Variants in ITGA8 observed in about 807,000 individuals in gnomAD.
ITGA8 encodes the protein integrin alpha-8.
ITGA8 carries 91 observed loss-of-function variants against 142.3 expected under a neutral mutation model. The ratio of observed to expected loss-of-function variants is 0.64; its 90% CI spans 0.54 to 0.76. ITGA8 has a LOEUF of 0.76. Ranked by LOEUF, ITGA8 falls within the 30% of genes least tolerant of loss-of-function variation. ITGA8 has a pLI of 0.00. For missense variants in ITGA8, 1,406 were observed against 1,327.7 expected, an observed-to-expected ratio of 1.06 and a Z score of -0.92; for synonymous variants, 505 against 485.2, an observed-to-expected ratio of 1.04 and a Z score of -0.54.
intron 15 of ITGA8, 110 bp downstream of exon 15, chr10:15,613,550 C>T (rs1833338688): frequency 1.3e-6 from 1 of 793,868 alleles, no homozygotes; most frequent in Non-Finnish European, 2.1e-6. Flanking sequence ...TCGAGAAATG[C>T]AAAATCTAGG....
At chr10:15,529,326 A>G (rs1459469261) in intron 28 of ITGA8, among the ~76,000 whole-genome samples, 1 of 152,244 alleles carries the variant, frequency 6.6e-6, no homozygotes, top group Non-Finnish European at 1.5e-5. Flanking sequence ...GTACAATGCT[A>G]GAGCTTTATA....
chr10:15,518,618 C>G (rs536756216), intron 29 of ITGA8, among the ~76,000 whole-genome samples: 5 of 152,184 alleles, frequency 3.3e-5, no homozygotes, highest in Non-Finnish European at 5.9e-5. Context: ...GACGTCATTT[C>G]CATTTGGGAA....
intron 8 of ITGA8, among the ~76,000 whole-genome samples, chr10:15,663,697 CTCT>C (rs1176833690): frequency 6.6e-6 from 1 of 152,048 alleles, no homozygotes; most frequent in East Asian, 1.9e-4. Flanking sequence ...GCCTCCCAGC[CTCT>C]TAAGCTGGGA....
chr10:15,592,445 A>G (rs1003308504), intron 21 of ITGA8, 141 bp from the exon 22 acceptor site: 2 of 652,726 alleles, frequency 3.1e-6, no homozygotes, highest in South Asian at 2.0e-5. Flanking sequence ...CTGAGAGCCA[A>G]GAGAAGTCAT....
intron 28 of ITGA8, among the ~76,000 whole-genome samples, chr10:15,527,148 G>A (rs773594864): frequency 3.3e-5 from 5 of 152,252 alleles, no homozygotes; most frequent in East Asian, 1.9e-4. Context: ...ATAACATGAG[G>A]TGTACTAGCT....
chr10:15,672,540 G>T, intron 7 of ITGA8, 84 bp downstream of exon 7: 1 of 1,446,504 alleles, frequency 6.9e-7, no homozygotes, highest in East Asian at 2.4e-5. Flanking sequence ...AATAACATCG[G>T]ATAAGTCAGG....
chr10:15,628,323 GGTT>G (rs1833622728), intron 13 of ITGA8, among the ~76,000 whole-genome samples: 15 of 78,476 alleles, frequency 1.9e-4, no homozygotes, highest in South Asian at 8.6e-4. Flanking sequence ...AATTTATTTT[GGTT>G]TTTTTTTTTT....
At position 15,694,743 on chromosome 10, in the gene ITGA8, A is replaced by G. The variant is rs146777126; in HGVS notation, c.344-6705T>C. Among the ~76,000 whole-genome samples, 222 of 134,166 alleles carry G rather than the reference A, an allele frequency of 1.7e-3. 1 individual carries two copies. The highest frequency in any genetic ancestry group is 5.9e-3 in the African/African-American group (215 of 36,628). The allele number at this position is 134,166 out of a possible 152,430, so 88.0% of individuals were successfully genotyped here. A position where few individuals can be genotyped will look rare whatever the true frequency, so the allele number is the denominator to read the frequency against. On this transcript the variant is annotated intron_variant, in intron 2 of 29. Coordinates refer to ENST00000378076, the MANE Select transcript of ITGA8 (RefSeq NM_003638.3). ...TCTCTCTTAGGAACCTAGAAATTCA[A>G]CCTAAGTCCAAGAATTCAAAAGAAC...
At chr10:15,687,855 A>C in intron 3 of ITGA8, 83 bp downstream of exon 3, 13 of 825,798 alleles carry the variant, frequency 1.6e-5, no homozygotes, top group Non-Finnish European at 2.5e-5. Context: ...TTTAGGAAAG[A>C]GCTTTCCTAA....
chr10:15,650,041 T>C (rs1450009394), intron 11 of ITGA8, among the ~76,000 whole-genome samples: 1 of 152,176 alleles, frequency 6.6e-6, no homozygotes, highest in Non-Finnish European at 1.5e-5. Context: ...CAAGATACTC[T>C]TCAATAGGTG....
At chr10:15,660,951 G>A in intron 8 of ITGA8, 29 bp from the exon 9 acceptor site, 1 of 1,591,286 alleles carries the variant, frequency 6.3e-7, no homozygotes, top group Non-Finnish European at 8.6e-7. Flanking sequence ...ATTTAGAAGG[G>A]GAATTACTCA....
intron 8 of ITGA8, among the ~76,000 whole-genome samples, chr10:15,669,669 G>T (rs948807925): frequency 2.0e-5 from 3 of 152,094 alleles, no homozygotes; most frequent in African/African-American, 7.2e-5. Flanking sequence ...CTTTGATGAT[G>T]GTGACGTACA....
intron 8 of ITGA8, among the ~76,000 whole-genome samples, chr10:15,662,153 T>A (rs887747563): frequency 2.0e-5 from 3 of 152,094 alleles, no homozygotes; most frequent in African/African-American, 7.2e-5. Context: ...AGTTATTAAA[T>A]GTAATATTGA....
intron 27 of ITGA8, among the ~76,000 whole-genome samples, chr10:15,547,190 GGTT>G (rs1331277134): frequency 6.6e-6 from 1 of 152,050 alleles, no homozygotes; most frequent in East Asian, 1.9e-4. Context: ...CAAACAATAA[GGTT>G]GTAACACAGC....
intron 8 of ITGA8, among the ~76,000 whole-genome samples, chr10:15,670,297 T>G (rs548122103): frequency 2.0e-4 from 30 of 152,324 alleles, no homozygotes; most frequent in South Asian, 6.2e-4. Flanking sequence ...GCCTTGTATC[T>G]AAGTATTCCT....
chr10:15,623,700 T>C (rs1833534212), intron 13 of ITGA8, among the ~76,000 whole-genome samples: 1 of 152,056 alleles, frequency 6.6e-6, no homozygotes, highest in African/African-American at 2.4e-5. Flanking sequence ...AATAAATAGA[T>C]ATAAAAATAA....
intron 13 of ITGA8, among the ~76,000 whole-genome samples, chr10:15,629,318 G>A (rs1395506943): frequency 6.6e-6 from 1 of 151,948 alleles, no homozygotes; most frequent in South Asian, 2.1e-4. Context: ...CTTCACTCTA[G>A]GGGGTTTCTG....
At chr10:15,632,503 C>A (rs374845898) in intron 13 of ITGA8, among the ~76,000 whole-genome samples, 71 of 152,278 alleles carry the variant, frequency 4.7e-4, no homozygotes, top group African/African-American at 1.6e-3. Context: ...CAACCTGGAT[C>A]TGTGAATTTC....
intron 10 of ITGA8, 90 bp downstream of exon 10, chr10:15,658,908 AT>A (rs1834235772): frequency 2.2e-6 from 2 of 899,346 alleles, no homozygotes; most frequent in Non-Finnish European, 3.5e-6. Flanking sequence ...CTCATTAAAT[AT>A]TTGTCAAATG....
Sources: allele counts gnomAD v4.1 joint callset (sites outside exome capture counted in the v4.1 genomes callset), GRCh38; gene constraint gnomAD v4.1.1; transcripts MANE v1.5; gene names NCBI Gene and HGNC (gene_info 2026-07-23, HGNC 2026-07-21).